TMEM178B: variants seen among roughly 807,000 people sequenced by gnomAD.
TMEM178B encodes the protein transmembrane protein 178B.
A neutral mutation model predicts 31.0 loss-of-function variants in TMEM178B; 5 were observed. The observed-to-expected ratio is 0.16, with a 90% CI of 0.08 to 0.34. The LOEUF (loss-of-function observed/expected upper bound fraction) is 0.34. TMEM178B is among the 10% of genes least tolerant of loss of function. The pLI is 1.00. For missense variants in TMEM178B, 275 were observed against 400.3 expected, an observed-to-expected ratio of 0.69 and a Z score of 2.67; for synonymous variants, 164 against 164.0, an observed-to-expected ratio of 1.00 and a Z score of 0.00.
At chr7:141,249,599 A>G (rs1797797119) in intron 2 of TMEM178B, among the ~76,000 whole-genome samples, 1 of 152,214 alleles carries the variant, frequency 6.6e-6, no homozygotes, top group African/African-American at 2.4e-5. Flanking sequence ...TGTTAGCAGG[A>G]TGCTGACACT....
chr7:141,269,782 C>T (rs534816205), intron 2 of TMEM178B, among the ~76,000 whole-genome samples: 65 of 151,964 alleles, frequency 4.3e-4, no homozygotes, highest in Non-Finnish European at 4.6e-4. Flanking sequence ...TGTGACTTTG[C>T]GGCCAGGCAG....
chr7:141,369,909 A>T (rs934915186), intron 2 of TMEM178B, among the ~76,000 whole-genome samples: 1 of 152,248 alleles, frequency 6.6e-6, no homozygotes, highest in Non-Finnish European at 1.5e-5. Flanking sequence ...AGAGAAACAA[A>T]TAAAGAGAAC....
chr7:141,205,064 G>A (rs867731688), intron 1 of TMEM178B, among the ~76,000 whole-genome samples: 3 of 152,108 alleles, frequency 2.0e-5, no homozygotes, highest in African/African-American at 4.8e-5. Flanking sequence ...GGCCTCAAGC[G>A]ATCCTTCCAC....
At chr7:141,467,560 A>G (rs1802166958) in intron 3 of TMEM178B, among the ~76,000 whole-genome samples, 1 of 151,814 alleles carries the variant, frequency 6.6e-6, no homozygotes, top group Non-Finnish European at 1.5e-5. Flanking sequence ...GACCACGGCA[A>G]CCTCCTAACT....
rs1382629290 is a variant in TMEM178B, at chr7:141,470,673, G to T, written c.772G>T (p.Gly258Cys). The change falls in exon 4 of 4, where the codon GGC becomes TGC. Residue 258 changes from glycine (G) to cysteine (C), a missense_variant. Coordinates refer to ENST00000565468, the MANE Select transcript of TMEM178B (RefSeq NM_001195278.2). ...CTGGTCCATGTTCTGTGCATGGGGG[G>T]GCCTGGGCCTCACACTCATCTCGGG... ...YGWSMFCAWGGLGLTLISGFF... is the reference protein window; with the variant it reads ...YGWSMFCAWGCLGLTLISGFF... 3.3e-6 allele frequency: 5 copies of T among 1,535,508 alleles called. No individual in the cohort carries two copies. Among genetic ancestry groups the T allele is most frequent in the African/African-American group, 1.4e-5 (1 of 72,870 alleles).
intron 2 of TMEM178B, among the ~76,000 whole-genome samples, chr7:141,423,183 G>A (rs1487156135): frequency 2.6e-5 from 4 of 152,120 alleles, no homozygotes; most frequent in East Asian, 1.9e-4. Flanking sequence ...GGGATTACAG[G>A]TACCTGGCTA....
intron 1 of TMEM178B, among the ~76,000 whole-genome samples, chr7:141,094,513 C>A (rs1375322453): frequency 6.6e-6 from 1 of 152,180 alleles, no homozygotes; most frequent in Non-Finnish European, 1.5e-5. Flanking sequence ...CTATTCTAAG[C>A]ACTGGGTGGC....
At chr7:141,358,390 C>T (rs1799859142) in intron 2 of TMEM178B, among the ~76,000 whole-genome samples, 2 of 152,166 alleles carry the variant, frequency 1.3e-5, no homozygotes, top group Admixed American at 6.6e-5. Context: ...ACAGTTTCAT[C>T]TACAAGAAAC....
intron 1 of TMEM178B, among the ~76,000 whole-genome samples, chr7:141,184,688 C>T (rs758081512): frequency 2.6e-5 from 4 of 152,154 alleles, no homozygotes; most frequent in Non-Finnish European, 5.9e-5. Context: ...CATCAATTCC[C>T]AGAGCACGGA....
chr7:141,265,529 T>C (rs1000672569), intron 2 of TMEM178B, among the ~76,000 whole-genome samples: 3 of 152,192 alleles, frequency 2.0e-5, no homozygotes, highest in Non-Finnish European at 2.9e-5. Context: ...ATAGGCAGTG[T>C]TGGAATTCTC....
chr7:141,376,040 GTT>G (rs1234291365), intron 2 of TMEM178B, among the ~76,000 whole-genome samples: 2 of 152,210 alleles, frequency 1.3e-5, no homozygotes, highest in African/African-American at 2.4e-5. Flanking sequence ...GCCGAAGCAA[GTT>G]TCTATTTTAT....
intron 1 of TMEM178B, among the ~76,000 whole-genome samples, chr7:141,170,556 G>A (rs938290827): frequency 6.6e-6 from 1 of 152,166 alleles, no homozygotes; most frequent in Non-Finnish European, 1.5e-5. Context: ...TTATGGAATT[G>A]CTCTGCAAAT....
At chr7:141,112,999 G>C (rs1192949193) in intron 1 of TMEM178B, among the ~76,000 whole-genome samples, 1 of 152,170 alleles carries the variant, frequency 6.6e-6, no homozygotes, top group African/African-American at 2.4e-5. Flanking sequence ...CTGGGTATCA[G>C]CAAATACTTT....
the TMEM178B span, among the ~76,000 whole-genome samples, chr7:141,487,678 T>G: frequency 7.7e-5 from 11 of 143,286 alleles, no homozygotes; most frequent in African/African-American, 2.7e-4. Context: ...GAGGCAGAGG[T>G]TGCAGTGAGC....
intron 1 of TMEM178B, among the ~76,000 whole-genome samples, chr7:141,131,794 CATTTCT>C (rs1236484460): frequency 1.2e-4 from 19 of 152,182 alleles, no homozygotes; most frequent in Non-Finnish European, 2.5e-4. Context: ...GACAGATTTT[CATTTCT>C]CTTGGGTAAA....
chr7:141,443,229 A>G (rs1390812292), intron 3 of TMEM178B, among the ~76,000 whole-genome samples: 5 of 152,236 alleles, frequency 3.3e-5, no homozygotes, highest in African/African-American at 1.2e-4. Context: ...TATTATTAAC[A>G]TGTTACATGA....
intron 1 of TMEM178B, among the ~76,000 whole-genome samples, chr7:141,198,212 A>T (rs1283740084): frequency 6.6e-6 from 1 of 152,014 alleles, no homozygotes; most frequent in Non-Finnish European, 1.5e-5. Flanking sequence ...TGGCTGTTTG[A>T]ATCCTCTCAT....
At chr7:141,102,952 A>G (rs1314617935) in intron 1 of TMEM178B, among the ~76,000 whole-genome samples, 1 of 152,140 alleles carries the variant, frequency 6.6e-6, no homozygotes, top group African/African-American at 2.4e-5. Flanking sequence ...AGGCGGGTGG[A>G]GCCAGGCCTC....
At chr7:141,351,136 G>C (rs2116529588) in intron 2 of TMEM178B, among the ~76,000 whole-genome samples, 1 of 152,352 alleles carries the variant, frequency 6.6e-6, no homozygotes, top group South Asian at 2.1e-4. Context: ...GATGTAGAAA[G>C]CCAAGGAAGA....
Sources: allele counts gnomAD v4.1 joint callset (sites outside exome capture counted in the v4.1 genomes callset), GRCh38; gene constraint gnomAD v4.1.1; transcripts MANE v1.5; gene names NCBI Gene and HGNC (gene_info 2026-07-23, HGNC 2026-07-21).